ANKS1B: variants seen among roughly 807,000 people sequenced by gnomAD.
ANKS1B encodes ankyrin repeat and sterile alpha motif domain containing 1B, also known as ankyrin repeat and sterile alpha motif domain-containing protein 1B.
Under a neutral mutation model 148.3 loss-of-function variants are expected in ANKS1B, and 36 were observed. That is an observed-to-expected ratio of 0.24 (90% CI 0.19 to 0.32). The LOEUF is 0.32. Among genes scored for constraint, ANKS1B ranks in the 10% least tolerant of loss-of-function variants. The probability of loss-of-function intolerance (pLI) is 1.00; values close to 1 mark genes in which losing one functional copy is unlikely to be tolerated. For synonymous variants in ANKS1B, 542 were observed against 560.8 expected (o/e 0.97, Z 0.47); for missense variants, 1,157 against 1,542.6 (o/e 0.75, Z 4.19).
intron 14 of ANKS1B, among the ~76,000 whole-genome samples, chr12:99,212,470 C>T (rs960715284): frequency 1.3e-5 from 2 of 152,106 alleles, no homozygotes; most frequent in Non-Finnish European, 2.9e-5. Flanking sequence ...GAAGTATTTC[C>T]CTCCCCTGAA....
intron 19 of ANKS1B, among the ~76,000 whole-genome samples, chr12:98,808,775 C>T (rs1028630616): frequency 2.0e-5 from 3 of 152,080 alleles, no homozygotes; most frequent in African/African-American, 7.2e-5. Flanking sequence ...GTTCTGTTCC[C>T]GAATTTCATC....
At chr12:99,633,346 T>C (rs1160261063) in intron 9 of ANKS1B, among the ~76,000 whole-genome samples, 2 of 152,136 alleles carry the variant, frequency 1.3e-5, no homozygotes, top group African/African-American at 2.4e-5. Flanking sequence ...TCTACAACTA[T>C]CTGATCTTTG....
intron 9 of ANKS1B, among the ~76,000 whole-genome samples, chr12:99,509,254 A>T (rs1483305368): frequency 6.6e-6 from 1 of 151,872 alleles, no homozygotes; most frequent in Non-Finnish European, 1.5e-5. Context: ...CTAAGAGTTC[A>T]AATTCAAGAA....
intron 10 of ANKS1B, among the ~76,000 whole-genome samples, chr12:99,467,123 G>A (rs543139350): frequency 2.0e-4 from 31 of 152,148 alleles, no homozygotes; most frequent in Non-Finnish European, 3.8e-4. Flanking sequence ...TGGGATGCAA[G>A]GCTGGTTCAA....
At chr12:99,192,211 G>A (rs780328628) in intron 14 of ANKS1B, among the ~76,000 whole-genome samples, 24 of 149,212 alleles carry the variant, frequency 1.6e-4, no homozygotes, top group Non-Finnish European at 2.8e-4. Context: ...CTCTTATTCT[G>A]AGAAGCATCC....
chr12:99,588,185 A>G (rs1320003448), intron 9 of ANKS1B, among the ~76,000 whole-genome samples: 1 of 152,116 alleles, frequency 6.6e-6, no homozygotes, highest in Non-Finnish European at 1.5e-5. Flanking sequence ...TTCAAGACAA[A>G]TTACAGTGCA....
intron 8 of ANKS1B, among the ~76,000 whole-genome samples, chr12:99,725,233 C>A (rs184524494): frequency 1.3e-5 from 2 of 152,188 alleles, no homozygotes; most frequent in African/African-American, 4.8e-5. Context: ...AGAGTCAAGA[C>A]CCATCAGTGT....
chr12:98,979,559 C>T (rs1268061547), intron 17 of ANKS1B, among the ~76,000 whole-genome samples: 2 of 152,194 alleles, frequency 1.3e-5, no homozygotes, highest in South Asian at 4.1e-4. Context: ...GCGTGAGCCA[C>T]TGCGCCCAGC....
At chr12:99,356,414 T>C (rs978046643) in intron 12 of ANKS1B, among the ~76,000 whole-genome samples, 1 of 152,134 alleles carries the variant, frequency 6.6e-6, no homozygotes, top group Non-Finnish European at 1.5e-5. Context: ...GCACTGGCAT[T>C]GTGCGAGCCT....
chr12:98,797,263 C>T (rs56043074), intron 22 of ANKS1B, among the ~76,000 whole-genome samples: 6,592 of 152,140 alleles, frequency 0.043, 442 homozygotes, highest in African/African-American at 0.15. Context: ...AACAGAGGAT[C>T]GGGGAAACAG....
intron 8 of ANKS1B, among the ~76,000 whole-genome samples, chr12:99,771,274 C>A (rs1253435555): frequency 6.6e-6 from 1 of 151,952 alleles, no homozygotes; most frequent in East Asian, 1.9e-4. Context: ...ACTAGAAATG[C>A]AGTCTATATA....
intron 10 of ANKS1B, among the ~76,000 whole-genome samples, chr12:99,460,947 C>G (rs1364965603): frequency 6.6e-6 from 1 of 151,934 alleles, no homozygotes; most frequent in Non-Finnish European, 1.5e-5. Flanking sequence ...CTTGCACACA[C>G]ATGTTTATAG....
intron 17 of ANKS1B, among the ~76,000 whole-genome samples, chr12:98,851,759 C>T (rs1293443262): frequency 6.6e-6 from 1 of 151,988 alleles, no homozygotes; most frequent in African/African-American, 2.4e-5. Context: ...GGAAAGGATG[C>T]TCATGACTAT....
intron 9 of ANKS1B, among the ~76,000 whole-genome samples, chr12:99,579,503 A>G (rs2097550040): frequency 6.6e-6 from 1 of 152,158 alleles, no homozygotes; most frequent in Non-Finnish European, 1.5e-5. Flanking sequence ...AAAATCAACA[A>G]CAAAAACAAA....
At chr12:99,960,113 C>T (rs1186773567) in intron 1 of ANKS1B, among the ~76,000 whole-genome samples, 1 of 152,070 alleles carries the variant, frequency 6.6e-6, no homozygotes, top group Non-Finnish European at 1.5e-5. Context: ...TATATAAATG[C>T]AGAATATAGA....
chr12:99,521,153 A>G (rs1040967679), intron 9 of ANKS1B, among the ~76,000 whole-genome samples: 1 of 152,126 alleles, frequency 6.6e-6, no homozygotes, highest in Non-Finnish European at 1.5e-5. Context: ...TGCTTGATCA[A>G]TTCTACCATT....
chr12:98,998,300 A>G (rs2099930901), intron 17 of ANKS1B, among the ~76,000 whole-genome samples: 1 of 152,244 alleles, frequency 6.6e-6, no homozygotes, highest in Admixed American at 6.5e-5. Flanking sequence ...GGGTGACTTA[A>G]GCACATTTAA....
chr12:99,759,443 T>C (rs567786773), intron 8 of ANKS1B, among the ~76,000 whole-genome samples: 3 of 151,970 alleles, frequency 2.0e-5, no homozygotes, highest in East Asian at 1.9e-4. Context: ...TGATAAAATA[T>C]GTTGAAGCAT....
intron 1 of ANKS1B, among the ~76,000 whole-genome samples, chr12:99,833,564 T>A (rs1267740233): frequency 1.3e-5 from 2 of 152,164 alleles, no homozygotes; most frequent in African/African-American, 4.8e-5. Context: ...AATGATGAGA[T>A]ATCTCCACTA....
Sources: gnomAD v4.1 joint callset for allele counts (sites outside exome capture counted in the v4.1 genomes callset) on GRCh38, gnomAD v4.1.1 for gene constraint, MANE v1.5 for transcripts, NCBI Gene and HGNC (gene_info 2026-07-23, HGNC 2026-07-21) for gene names.